Variants in RABGAP1L observed in about 807,000 individuals in gnomAD.
RABGAP1L encodes rab GTPase-activating protein 1-like.
Under a neutral mutation model 137.7 loss-of-function variants are expected in RABGAP1L, and 63 were observed. That is an observed-to-expected ratio of 0.46 (90% CI 0.37 to 0.56). The LOEUF (loss-of-function observed/expected upper bound fraction) is 0.56, where lower values mean the gene tolerates loss of function less well. Among genes scored for constraint, RABGAP1L ranks in the 20% least tolerant of loss-of-function variants. The pLI is 0.00. For synonymous variants in RABGAP1L, 431 were observed against 433.7 expected (o/e 0.99, Z 0.08); for missense variants, 1,095 against 1,244.0 (o/e 0.88, Z 1.80).
intron 2 of RABGAP1L, 21 bp downstream of exon 2, chr1:174,219,316 T>A: frequency 6.8e-7 from 1 of 1,462,762 alleles, no homozygotes. Flanking sequence ...CTTTTCTACA[T>A]ATGGTATAAT....
chr1:174,246,454 C>G (rs1672269830), intron 5 of RABGAP1L: 2 of 152,108 alleles, frequency 1.3e-5, no homozygotes, highest in South Asian at 4.2e-4. Flanking sequence ...TACAGTTAGC[C>G]CACTATATTT....
At chr1:174,877,393 T>G in intron 19 of RABGAP1L, 2 of 1,514,832 alleles carry the variant, frequency 1.3e-6, no homozygotes, top group Non-Finnish European at 1.8e-6. Context: ...CGAACTCAGG[T>G]GGGTGTGTAC....
chr1:174,974,593 C>T (rs1670484955), intron 21 of RABGAP1L, among the ~76,000 whole-genome samples: 1 of 152,060 alleles, frequency 6.6e-6, no homozygotes, highest in African/African-American at 2.4e-5. Flanking sequence ...TTAGATTTTC[C>T]CCCCTAAAAT....
intron 19 of RABGAP1L, chr1:174,875,624 G>A (rs1652964368): frequency 9.1e-6 from 9 of 985,272 alleles, no homozygotes; most frequent in Non-Finnish European, 1.1e-5. Flanking sequence ...AATGTTGCAA[G>A]ATAATCTGAA....
chr1:174,933,095 CATACATACATACATACATACATTT>C (rs1214592106), intron 19 of RABGAP1L, among the ~76,000 whole-genome samples: 1 of 148,518 alleles, frequency 6.7e-6, no homozygotes, highest in Non-Finnish European at 1.5e-5. Context: ...TACATACATG[CATACATACATACATACATACATTT>C]ATACATACAT....
chr1:174,822,001 G>A (rs1349186568), intron 19 of RABGAP1L, among the ~76,000 whole-genome samples: 2 of 152,224 alleles, frequency 1.3e-5, no homozygotes, highest in East Asian at 1.9e-4. Flanking sequence ...GGTGGCTCAC[G>A]CCTGTAATCC....
intron 13 of RABGAP1L, among the ~76,000 whole-genome samples, chr1:174,596,964 A>T (rs751551895): frequency 6.6e-6 from 1 of 152,158 alleles, no homozygotes; most frequent in Non-Finnish European, 1.5e-5. Context: ...TTTTGTATCA[A>T]TTGAAATGAT....
At chr1:174,367,835 T>TG (rs1295941904) in intron 11 of RABGAP1L, 1 of 168,850 alleles carries the variant, frequency 5.9e-6, no homozygotes, top group East Asian at 1.7e-4. Context: ...AGAATTCTGT[T>TG]GGAGTACCCA....
intron 13 of RABGAP1L, among the ~76,000 whole-genome samples, chr1:174,404,265 G>A (rs1329370881): frequency 2.0e-5 from 3 of 152,172 alleles, no homozygotes; most frequent in African/African-American, 7.2e-5. Context: ...AATATCTGAG[G>A]TGGGACTTGA....
intron 12 of RABGAP1L, among the ~76,000 whole-genome samples, chr1:174,372,913 G>A (rs1685221346): frequency 6.6e-6 from 1 of 152,144 alleles, no homozygotes; most frequent in Admixed American, 6.5e-5. Context: ...AACTAGCCTA[G>A]TCAAAGACAA....
At chr1:174,901,988 T>G (rs1436126347) in intron 19 of RABGAP1L, among the ~76,000 whole-genome samples, 1 of 152,158 alleles carries the variant, frequency 6.6e-6, no homozygotes, top group Non-Finnish European at 1.5e-5. Context: ...TTGCCTCAGT[T>G]TTTCCTGTAC....
At chr1:174,487,757 T>C (rs1659809792) in intron 13 of RABGAP1L, among the ~76,000 whole-genome samples, 1 of 152,184 alleles carries the variant, frequency 6.6e-6, no homozygotes, top group South Asian at 2.1e-4. Flanking sequence ...TATGATTTAA[T>C]TTCTTGCTTT....
chr1:174,884,325 A>G (rs1308068895), intron 19 of RABGAP1L, among the ~76,000 whole-genome samples: 1 of 152,236 alleles, frequency 6.6e-6, no homozygotes. Flanking sequence ...TTCATCAAGC[A>G]TGCCAAATTA....
At position 174,991,107 on chromosome 1, in the gene RABGAP1L, G is replaced by T. The variant is rs1381297325; in HGVS notation, c.*1106G>T. On this transcript the variant is annotated 3_prime_UTR_variant, in exon 26 of 26. Coordinates refer to ENST00000681986, the MANE Select transcript of RABGAP1L (RefSeq NM_001366446.1). ...ATACAAATGCATTTGTAACATTTTT[G>T]ATTGAATATAAAACCTTTACAGAAA... is the stretch of plus-strand genomic sequence containing the variant. 1 of 152,054 alleles carries T rather than the reference G, an allele frequency of 6.6e-6. No individual in the cohort carries two copies. Among genetic ancestry groups the T allele is most frequent in the Non-Finnish European group, 1.5e-5 (1 of 68,000 alleles). 9.4% of individuals were successfully genotyped at this position (152,054 alleles called of 1,614,324 possible). A position where few individuals can be genotyped will look rare whatever the true frequency, so the allele number is the denominator to read the frequency against.
At position 174,457,568 on chromosome 1, in the gene RABGAP1L, T is replaced by C. The variant is rs1295152639; in HGVS notation, c.1710+63423T>C. Among the ~76,000 whole-genome samples, 4 of 150,284 alleles carry C rather than the reference T, an allele frequency of 2.7e-5. 1 individual carries two copies. Among genetic ancestry groups the C allele is most frequent in the African/African-American group, 9.8e-5 (4 of 40,674 alleles). On this transcript the variant is annotated intron_variant, in intron 13 of 25. Transcript: ENST00000681986. ...CAGTGTCACCCAGGCAGTGGAGTGATCTTGGCTCACTGCAATGTCCTCCTC... is the reference window on the plus strand; with the variant it reads ...CAGTGTCACCCAGGCAGTGGAGTGACCTTGGCTCACTGCAATGTCCTCCTC...
At chr1:174,562,771 G>A (rs141391319) in intron 13 of RABGAP1L, among the ~76,000 whole-genome samples, 5,410 of 152,118 alleles carry the variant, frequency 0.036, 126 homozygotes, top group Middle Eastern at 0.088. Flanking sequence ...ACCAAACACC[G>A]CATGTTCTCA....
chr1:174,640,656 TTAA>T (rs1243763598), intron 14 of RABGAP1L, among the ~76,000 whole-genome samples: 1 of 152,068 alleles, frequency 6.6e-6, no homozygotes, highest in Non-Finnish European at 1.5e-5. Flanking sequence ...TGAATAAACA[TTAA>T]TAACACCTTG....
intron 11 of RABGAP1L, among the ~76,000 whole-genome samples, chr1:174,347,480 T>A (rs1370140877): frequency 6.6e-6 from 1 of 151,360 alleles, no homozygotes; most frequent in Non-Finnish European, 1.5e-5. Flanking sequence ...TTTGTGTGTG[T>A]GTGTGTGTGT....
chr1:174,957,580 AC>A, intron 20 of RABGAP1L, 31 bp downstream of exon 20: 1 of 1,552,430 alleles, frequency 6.4e-7, no homozygotes, highest in Non-Finnish European at 8.9e-7. Flanking sequence ...CTATCAAAGT[AC>A]CTTCTTTTTT....
Sources: allele counts gnomAD v4.1 joint callset (sites outside exome capture counted in the v4.1 genomes callset), GRCh38; gene constraint gnomAD v4.1.1; transcripts MANE v1.5; gene names NCBI Gene and HGNC (gene_info 2026-07-23, HGNC 2026-07-21).